Variants in TRPM3 observed in about 807,000 individuals in gnomAD.
TRPM3 encodes long transient receptor potential channel 3.
TRPM3 carries 77 observed loss-of-function variants against 181.2 expected under a neutral mutation model. The ratio of observed to expected loss-of-function variants is 0.42; its 90% CI spans 0.35 to 0.51. The LOEUF is 0.51. TRPM3 is among the 20% of genes least tolerant of loss of function. The probability of loss-of-function intolerance (pLI) is 0.01; values close to 1 mark genes in which losing one functional copy is unlikely to be tolerated. For missense variants in TRPM3, 1,759 were observed against 2,196.7 expected (o/e 0.80, Z 3.98); for synonymous variants, 745 against 796.4 (o/e 0.94, Z 1.09).
At chr9:70,989,286 AG>A (rs1301494907) in intron 1 of TRPM3, among the ~76,000 whole-genome samples, 1 of 152,222 alleles carries the variant, frequency 6.6e-6, no homozygotes, top group Non-Finnish European at 1.5e-5. Flanking sequence ...TCATTTTCCA[AG>A]GGACAAATGG....
chr9:71,429,218 C>A (rs1348513633), intron 1 of TRPM3, among the ~76,000 whole-genome samples: 1 of 152,134 alleles, frequency 6.6e-6, no homozygotes, highest in Non-Finnish European at 1.5e-5. Flanking sequence ...TCAATCTTTG[C>A]TCCATATTTC....
At chr9:71,064,956 A>G (rs999938554) in intron 1 of TRPM3, among the ~76,000 whole-genome samples, 1 of 152,178 alleles carries the variant, frequency 6.6e-6, no homozygotes, top group Admixed American at 6.6e-5. Context: ...TTGAATTAAT[A>G]TATAGGCACA....
Position 70,666,467 on chromosome 9 carries a change from T to C in TRPM3, c.1345+15039A>G, listed in dbSNP as rs112547580. On this transcript the variant is annotated intron_variant, in intron 9 of 25. Coordinates refer to ENST00000677713, the MANE Select transcript of TRPM3 (RefSeq NM_001366145.2). ...GCAGAAAGTGGTTTTTCCAGGCACCTAATGCCTGCCAATATCTTTATTTTA... is the reference window on the plus strand; with the variant it reads ...GCAGAAAGTGGTTTTTCCAGGCACCCAATGCCTGCCAATATCTTTATTTTA... 1.2e-3 allele frequency among the ~76,000 whole-genome samples: 183 copies of C among 152,362 alleles called. 1 individual carries two copies. Among genetic ancestry groups the C allele is most frequent in the African/African-American group, 4.1e-3 (172 of 41,586 alleles).
chr9:70,931,286 T>C (rs2096772989), intron 1 of TRPM3, among the ~76,000 whole-genome samples: 1 of 152,126 alleles, frequency 6.6e-6, no homozygotes, highest in Admixed American at 6.5e-5. Context: ...CAAGAGTAAA[T>C]TTGAAAAACT....
chr9:70,990,444 A>G (rs908794981), intron 1 of TRPM3, among the ~76,000 whole-genome samples: 1 of 152,174 alleles, frequency 6.6e-6, no homozygotes, highest in Non-Finnish European at 1.5e-5. Flanking sequence ...ACAGTTTAAG[A>G]GTTTATAACA....
intron 1 of TRPM3, among the ~76,000 whole-genome samples, chr9:71,101,819 C>T (rs1354277075): frequency 6.6e-6 from 1 of 152,132 alleles, no homozygotes; most frequent in Non-Finnish European, 1.5e-5. Flanking sequence ...TCATTGGCTC[C>T]TGTGACAGCA....
At chr9:71,009,864 C>T (rs1390800646) in intron 1 of TRPM3, among the ~76,000 whole-genome samples, 2 of 152,104 alleles carry the variant, frequency 1.3e-5, no homozygotes, top group Non-Finnish European at 2.9e-5. Flanking sequence ...AAGCATAGTA[C>T]TGTCATAAAA....
At chr9:70,917,500 A>T in intron 1 of TRPM3, 2 of 714,160 alleles carry the variant, frequency 2.8e-6, no homozygotes, top group South Asian at 3.0e-5. Context: ...GGGCCAAGGG[A>T]GCCACCACGA....
chr9:70,842,520 G>A (rs1412147380), intron 5 of TRPM3, among the ~76,000 whole-genome samples: 1 of 152,048 alleles, frequency 6.6e-6, no homozygotes, highest in Non-Finnish European at 1.5e-5. Flanking sequence ...GGCTCAGATA[G>A]ACCTCATGGT....
At chr9:71,226,608 GTCAGT>G (rs1453743749) in intron 1 of TRPM3, among the ~76,000 whole-genome samples, 16 of 151,972 alleles carry the variant, frequency 1.1e-4, no homozygotes, top group African/African-American at 1.9e-4. Flanking sequence ...TAATAAAGGA[GTCAGT>G]TCAGCAGAGG....
At chr9:70,941,406 A>T (rs550666631) in intron 1 of TRPM3, among the ~76,000 whole-genome samples, 1 of 152,326 alleles carries the variant, frequency 6.6e-6, no homozygotes, top group East Asian at 1.9e-4. Flanking sequence ...GCCGTCAGCC[A>T]CAGACTGAAG....
chr9:70,846,816 A>C (rs1435994917), intron 3 of TRPM3, among the ~76,000 whole-genome samples: 1 of 152,224 alleles, frequency 6.6e-6, no homozygotes, highest in Non-Finnish European at 1.5e-5. Context: ...TTCTGAAATT[A>C]TTAGATTTTC....
chr9:71,162,217 A>AAG (rs1384949323), intron 1 of TRPM3, among the ~76,000 whole-genome samples: 9 of 150,086 alleles, frequency 6.0e-5, no homozygotes, highest in Non-Finnish European at 1.2e-4. Context: ...AAAAAAAAAA[A>AAG]AAAGAAGAAA....
intron 1 of TRPM3, among the ~76,000 whole-genome samples, chr9:71,006,926 C>G (rs947255630): frequency 6.9e-6 from 1 of 145,688 alleles, no homozygotes; most frequent in Admixed American, 6.9e-5. Context: ...GTAATCCATG[C>G]TACTCAGGAG....
In TRPM3 at chr9:70,535,558, C is replaced by T. The variant is rs2041522101; in HGVS notation, c.*395G>A. On this transcript the variant is annotated 3_prime_UTR_variant, in exon 26 of 26. Coordinates refer to ENST00000677713, the MANE Select transcript of TRPM3 (RefSeq NM_001366145.2). ...ATTTTATTTTATTTTGCAATTTAGC[C>T]CTGCATCCTACAACTCTTGATAATG... 5 of 1,536,686 alleles carry T rather than the reference C, an allele frequency of 3.3e-6. No homozygotes were observed. The highest frequency in any genetic ancestry group is 1.4e-5 in the African/African-American group (1 of 72,906).
At chr9:71,289,225 C>A (rs1420444451) in intron 1 of TRPM3, among the ~76,000 whole-genome samples, 1 of 152,016 alleles carries the variant, frequency 6.6e-6, no homozygotes, top group Non-Finnish European at 1.5e-5. Context: ...GCAAACCCCA[C>A]AAATATTTAG....
intron 1 of TRPM3, among the ~76,000 whole-genome samples, chr9:70,901,774 G>C (rs564022829): frequency 6.6e-6 from 1 of 152,220 alleles, no homozygotes; most frequent in East Asian, 1.9e-4. Flanking sequence ...TAGAAAGGAG[G>C]CAGATTTTGT....
chr9:70,687,825 T>G (rs1359086128), intron 8 of TRPM3, among the ~76,000 whole-genome samples: 1 of 152,228 alleles, frequency 6.6e-6, no homozygotes, highest in Non-Finnish European at 1.5e-5. Flanking sequence ...GTTGATTTGT[T>G]ATTGGGCATA....
chr9:71,050,583 A>G (rs1456378866), intron 1 of TRPM3, among the ~76,000 whole-genome samples: 1 of 152,226 alleles, frequency 6.6e-6, no homozygotes, highest in African/African-American at 2.4e-5. Flanking sequence ...TTCCACAAAA[A>G]AATAAAATCT....
Sources: gnomAD v4.1 joint callset for allele counts (sites outside exome capture counted in the v4.1 genomes callset) on GRCh38, gnomAD v4.1.1 for gene constraint, MANE v1.5 for transcripts, NCBI Gene and HGNC (gene_info 2026-07-23, HGNC 2026-07-21) for gene names.